PIP4K2B: variants seen among roughly 807,000 people sequenced by gnomAD.
The protein encoded by PIP4K2B is phosphatidylinositol 5-phosphate 4-kinase type-2 beta.
Under a neutral mutation model 42.0 loss-of-function variants are expected in PIP4K2B, and 3 were observed. The ratio of observed to expected loss-of-function variants is 0.07; its 90% CI spans 0.03 to 0.18. PIP4K2B has a LOEUF of 0.18. PIP4K2B is among the 10% of genes least tolerant of loss of function. The probability of loss-of-function intolerance (pLI) is 1.00; values close to 1 mark genes in which losing one functional copy is unlikely to be tolerated. For synonymous variants in PIP4K2B, 204 were observed against 210.1 expected (o/e 0.97, Z 0.25); for missense variants, 332 against 562.3 (o/e 0.59, Z 4.14).
intron 1 of PIP4K2B, among the ~76,000 whole-genome samples, chr17:38,789,722 A>C (rs1236878747): frequency 6.6e-6 from 1 of 152,090 alleles, no homozygotes; most frequent in Non-Finnish European, 1.5e-5. Context: ...TTGGGAAAAA[A>C]CCCAATTTAC....
chr17:38,799,371 G>A lies in PIP4K2B; in HGVS notation c.54C>T (p.Ala18=), dbSNP rs1598062641. ...TTAVAVAPLS[A]SKTKTKKKHF... ...GCTTCTTCTTGGTCTTGGTCTTGCT[G>A]GCGCTGAGCGGCGCCACCGCCACCG... The change falls in exon 1 of 10, where the codon GCC becomes GCT. Residue 18 remains alanine, a synonymous_variant. Coordinates refer to ENST00000619039, the MANE Select transcript of PIP4K2B (RefSeq NM_003559.5). The surrounding 1 kb of genome is among the most constrained non-coding windows in gnomAD (Gnocchi z 4.4). 6.2e-7 allele frequency: 1 copy of A among 1,607,772 alleles called. No homozygotes were observed. Among genetic ancestry groups the A allele is most frequent in the Non-Finnish European group, 8.5e-7 (1 of 1,178,120 alleles).
chr17:38,773,240 GTCA>G (rs1344402400), intron 7 of PIP4K2B, among the ~76,000 whole-genome samples: 1 of 152,056 alleles, frequency 6.6e-6, no homozygotes, highest in Non-Finnish European at 1.5e-5. Flanking sequence ...AAAAAACTAT[GTCA>G]TCGACTTTTC....
intron 7 of PIP4K2B, among the ~76,000 whole-genome samples, chr17:38,772,728 T>C (rs1909115065): frequency 6.6e-6 from 1 of 152,086 alleles, no homozygotes; most frequent in Non-Finnish European, 1.5e-5. Flanking sequence ...ACTTCAGGCA[T>C]GCACCACCAC....
Position 38,773,287 on chromosome 17 carries a change from G to A in PIP4K2B, c.808-2015C>T, listed in dbSNP as rs200374254. Among the ~76,000 whole-genome samples, 10 of 152,120 alleles carry A rather than the reference G, an allele frequency of 6.6e-5. No homozygotes were observed. The East Asian group carries it at 1.9e-3, about 29-fold the overall frequency. On this transcript the variant is annotated intron_variant, in intron 7 of 9. Transcript: ENST00000619039. ...TAAAAATAGAAAAAAAAGGAAAAGGGAACACAAAACCATACAAGAATGGCA... is the reference window on the plus strand; with the variant it reads ...TAAAAATAGAAAAAAAAGGAAAAGGAAACACAAAACCATACAAGAATGGCA...
In PIP4K2B at chr17:38,798,244, T is replaced by C. The variant is rs150823746; in HGVS notation, c.159+1022A>G. On this transcript the variant is annotated intron_variant, in intron 1 of 9. Coordinates refer to ENST00000619039, the MANE Select transcript of PIP4K2B (RefSeq NM_003559.5). ...TATTCCAAAATTCTAGTTAGTGAAGTTGGTGTTTCGGGTCCTTTTACTTCC... is the reference window on the plus strand; with the variant it reads ...TATTCCAAAATTCTAGTTAGTGAAGCTGGTGTTTCGGGTCCTTTTACTTCC... Among the ~76,000 whole-genome samples, 47 of 152,324 alleles carry C rather than the reference T, an allele frequency of 3.1e-4. 1 individual carries two copies. In the East Asian group the frequency reaches 7.3e-3, roughly 24 times the overall value.
At chr17:38,791,255 C>A (rs1910323564) in intron 1 of PIP4K2B, among the ~76,000 whole-genome samples, 1 of 152,086 alleles carries the variant, frequency 6.6e-6, no homozygotes, top group Admixed American at 6.6e-5. Flanking sequence ...CCTGGTATTG[C>A]ACCAAGAGCA....
At position 38,777,807 on chromosome 17, in the gene PIP4K2B, G is replaced by A. The variant is rs765908656; in HGVS notation, c.694-7C>T. ...ATGTTGGCAAGTCCTTGGCCTAGGA[G>A]AGCAACAGCAGTTAGGCTGGGTAAG... On this transcript the variant is annotated splice_region_variant and splice_polypyrimidine_tract_variant and intron_variant, in intron 6 of 9. Transcript: ENST00000619039. 1.2e-5 allele frequency: 19 copies of A among 1,599,534 alleles called. No individual in the cohort carries two copies. Among genetic ancestry groups the A allele is most frequent in the Non-Finnish European group, 1.6e-5 (19 of 1,166,752 alleles).
intron 7 of PIP4K2B, among the ~76,000 whole-genome samples, chr17:38,775,016 CT>C (rs1400986622): frequency 1.3e-5 from 2 of 151,816 alleles, no homozygotes; most frequent in Non-Finnish European, 2.9e-5. Flanking sequence ...GTGGCACGAT[CT>C]CGGCTCCCTG....
intron 1 of PIP4K2B, among the ~76,000 whole-genome samples, chr17:38,787,243 G>A (rs1456755781): frequency 6.6e-6 from 1 of 152,108 alleles, no homozygotes; most frequent in Admixed American, 6.5e-5. Flanking sequence ...ACTGTCCTGA[G>A]CTCAAGCAAT....
intron 3 of PIP4K2B, among the ~76,000 whole-genome samples, chr17:38,783,838 T>C (rs1909844128): frequency 6.6e-6 from 1 of 152,164 alleles, no homozygotes; most frequent in African/African-American, 2.4e-5. Context: ...TGACCTCAGG[T>C]GACCTACCTG....
intron 1 of PIP4K2B, among the ~76,000 whole-genome samples, chr17:38,787,377 T>C (rs2143441437): frequency 6.6e-6 from 1 of 152,296 alleles, no homozygotes; most frequent in South Asian, 2.1e-4. Flanking sequence ...ATTTTACCTA[T>C]TGAAACTCTC....
At chr17:38,793,821 G>A (rs1910471395) in intron 1 of PIP4K2B, among the ~76,000 whole-genome samples, 1 of 151,826 alleles carries the variant, frequency 6.6e-6, no homozygotes, top group African/African-American at 2.4e-5. Flanking sequence ...TCATTGAGCC[G>A]TGATTGTGCC....
intron 3 of PIP4K2B, among the ~76,000 whole-genome samples, chr17:38,783,745 C>T: frequency 6.6e-6 from 1 of 152,048 alleles, no homozygotes; most frequent in Non-Finnish European, 1.5e-5. Context: ...GGACTATAGG[C>T]GCACATCACC....
Position 38,769,128 on chromosome 17 carries a change from G to C in PIP4K2B, c.*563C>G, listed in dbSNP as rs946597542. 6.5e-6 allele frequency: 1 copy of C among 153,214 alleles called. No individual in the cohort carries two copies. Among genetic ancestry groups the C allele is most frequent in the East Asian group, 1.9e-4 (1 of 5,216 alleles). The allele number at this position is 153,214 out of a possible 1,614,324, so 9.5% of individuals were successfully genotyped here. On this transcript the variant is annotated 3_prime_UTR_variant, in exon 10 of 10. Transcript: ENST00000619039. ...TGCACAATACTCCATAAATTACAAAGTTAATCCAGACAAGAGCAAATGCAG... is the reference window on the plus strand; with the variant it reads ...TGCACAATACTCCATAAATTACAAACTTAATCCAGACAAGAGCAAATGCAG...
intron 1 of PIP4K2B, among the ~76,000 whole-genome samples, chr17:38,793,209 G>A (rs957089085): frequency 2.5e-4 from 38 of 150,046 alleles, no homozygotes; most frequent in Non-Finnish European, 4.4e-4. Context: ...GATCACAGGC[G>A]TAAGCCACTG....
chr17:38,779,950 C>G (rs1909602362), intron 4 of PIP4K2B: 1 of 197,770 alleles, frequency 5.1e-6, no homozygotes, highest in African/African-American at 2.3e-5. Context: ...AAGAGAACAG[C>G]TCCATATCCA....
chr17:38,798,699 G>A (rs562780789), intron 1 of PIP4K2B, among the ~76,000 whole-genome samples: 1 of 152,164 alleles, frequency 6.6e-6, no homozygotes, highest in Non-Finnish European at 1.5e-5. Flanking sequence ...GGAAGCCTGT[G>A]CTTCTCCAGT....
In PIP4K2B at chr17:38,767,838, G is replaced by C. The variant is rs1187180113; in HGVS notation, c.*1853C>G. ...AATTTGTTTTCTCCATGAGCCAGTTGGTTTCAAGTTCCCTAAGTCATGTAG... is the reference window on the plus strand; with the variant it reads ...AATTTGTTTTCTCCATGAGCCAGTTCGTTTCAAGTTCCCTAAGTCATGTAG... On this transcript the variant is annotated 3_prime_UTR_variant, in exon 10 of 10. Transcript: ENST00000619039. 1 of 152,222 alleles carries C rather than the reference G, an allele frequency of 6.6e-6. No homozygotes were observed. Among genetic ancestry groups the C allele is most frequent in the African/African-American group, 2.4e-5 (1 of 41,450 alleles). The allele number at this position is 152,222 out of a possible 1,614,324, so 9.4% of individuals were successfully genotyped here. A position where few individuals can be genotyped will look rare whatever the true frequency, so the allele number is the denominator to read the frequency against.
intron 1 of PIP4K2B, among the ~76,000 whole-genome samples, chr17:38,794,303 T>C (rs930847974): frequency 6.6e-6 from 1 of 150,840 alleles, no homozygotes; most frequent in African/African-American, 2.4e-5. Context: ...AGTAGAATGG[T>C]GGTTGCCAGG....
Sources: gnomAD v4.1 joint callset for allele counts (sites outside exome capture counted in the v4.1 genomes callset) on GRCh38, gnomAD v4.1.1 for gene constraint, Gnocchi (gnomAD v3.1) non-coding constraint, MANE v1.5 for transcripts, NCBI Gene and HGNC (gene_info 2026-07-23, HGNC 2026-07-21) for gene names.